Variants in PRKAB1 observed in about 807,000 individuals in gnomAD.
The protein encoded by PRKAB1 is 5'-AMP-activated protein kinase subunit beta-1.
PRKAB1 carries 18 observed loss-of-function variants against 32.0 expected under a neutral mutation model. The ratio of observed to expected loss-of-function variants is 0.56; its 90% confidence interval spans 0.39 to 0.83. The LOEUF is 0.83. Ranked by LOEUF, PRKAB1 falls within the 40% of genes least tolerant of loss-of-function variation. The pLI is 0.00. For synonymous variants in PRKAB1, 141 were observed against 141.4 expected, an observed-to-expected ratio of 1.00 and a Z score of 0.02; for missense variants, 263 against 352.6, an observed-to-expected ratio of 0.75 and a Z score of 2.03.
In PRKAB1 at chr12:119,674,253, G is replaced by C; in HGVS notation, c.418-87G>C. On this transcript the variant is annotated intron_variant, in intron 3 of 6. Transcript: ENST00000229328. The surrounding 1 kb of genome is among the most constrained non-coding windows in gnomAD (Gnocchi z 4.3). ...GCAGGGTGGCTAGCCAGGAGATGAG[G>C]CCTTCCAGCCAGGAATTCCAAGTCC... 1 of 1,175,388 alleles carries C rather than the reference G, an allele frequency of 8.5e-7. No individual in the cohort carries two copies. Among genetic ancestry groups the C allele is most frequent in the Non-Finnish European group, 1.2e-6 (1 of 806,202 alleles). The allele number at this position is 1,175,388 out of a possible 1,614,324, so 72.8% of individuals were successfully genotyped here. A position where few individuals can be genotyped will look rare whatever the true frequency, so the allele number is the denominator to read the frequency against.
intron 1 of PRKAB1, chr12:119,669,307 GC>G (rs1229933588): frequency 7.5e-6 from 1 of 134,202 alleles, no homozygotes; most frequent in Non-Finnish European, 1.6e-5. Context: ...TCGCTCTGTC[GC>G]CCAGGCTGGA....
chr12:119,674,431 C>T lies in PRKAB1; in HGVS notation c.509C>T (p.Ser170Phe), dbSNP rs867491740. Residue 170 changes from serine to phenylalanine, a missense_variant, in exon 4 of 7, where the codon TCC becomes TTC. By Grantham distance (155) the Ser-to-Phe change is radical (BLOSUM62 -2). Coordinates refer to ENST00000229328, the MANE Select transcript of PRKAB1 (RefSeq NM_006253.5). This position sits in a 1 kb window ranked among gnomAD's most constrained non-coding sequence, Gnocchi z 4.3. ...FEVFDALMVD[S>F]QKCSDVSELS... ...GTATTTGATGCTTTAATGGTGGATT[C>T]CCAAAAGTGCTCCGATGTGTCTGGT... The T allele has an allele frequency of 1.2e-6, 2 of 1,613,326 alleles. No homozygotes were observed. Among genetic ancestry groups the T allele is most frequent in the South Asian group, 2.2e-5 (2 of 91,064 alleles).
intron 1 of PRKAB1, among the ~76,000 whole-genome samples, chr12:119,671,903 C>CT (rs1472925266): frequency 3.3e-5 from 5 of 152,172 alleles, no homozygotes; most frequent in African/African-American, 1.2e-4. Context: ...CCGTCGTTGA[C>CT]TAAGACATCA....
Position 119,668,356 on chromosome 12 carries a change from A to G in PRKAB1, c.112A>G (p.Met38Val), listed in dbSNP as rs757824708. 6.2e-7 allele frequency: 1 copy of G among 1,613,464 alleles called. No homozygotes were observed. The highest frequency in any genetic ancestry group is 1.1e-5 in the South Asian group (1 of 90,908). ...GGACGGGGACAGGCCCAAGATCCTGATGGACAGCCCCGAAGACGCCGACCT... is the reference window on the plus strand; with the variant it reads ...GGACGGGGACAGGCCCAAGATCCTGGTGGACAGCCCCGAAGACGCCGACCT... ...TKDGDRPKIL[M>V]DSPEDADLFH... The change falls in exon 1 of 7, where the codon ATG (methionine) becomes GTG (valine). Residue 38 changes from methionine (M) to valine (V), a missense_variant. Met to Val is a conservative substitution (Grantham distance 21). Coordinates refer to ENST00000229328, the MANE Select transcript of PRKAB1 (RefSeq NM_006253.5).
intron 5 of PRKAB1, chr12:119,677,767 T>TG (rs1481932393): frequency 6.9e-6 from 1 of 144,196 alleles, no homozygotes; most frequent in Non-Finnish European, 1.5e-5. Flanking sequence ...GTTTGTTTTT[T>TG]TTTTTTTTTT....
chr12:119,674,514 T>G lies in PRKAB1; in HGVS notation c.532+60T>G. 8.0e-7 allele frequency: 1 copy of G among 1,253,376 alleles called. No individual in the cohort carries two copies. The highest frequency in any genetic ancestry group is 1.1e-6 in the Non-Finnish European group (1 of 879,358). The allele number at this position is 1,253,376 out of a possible 1,614,324, so 77.6% of individuals were successfully genotyped here. On this transcript the variant is annotated intron_variant, in intron 4 of 6. Coordinates refer to ENST00000229328, the MANE Select transcript of PRKAB1 (RefSeq NM_006253.5). This position sits in a 1 kb window ranked among gnomAD's most constrained non-coding sequence, Gnocchi z 4.3. Reference sequence around the variant, plus strand: ...AGGTGGGGGCTGTACAGTCTAGACATACTCTTGTTTCTCTTGCCTCTCTTG... The same window carrying G: ...AGGTGGGGGCTGTACAGTCTAGACAGACTCTTGTTTCTCTTGCCTCTCTTG...
In PRKAB1 at chr12:119,668,197, T is replaced by C. The variant is rs1413422537; in HGVS notation, c.-48T>C. 6.6e-7 allele frequency: 1 copy of C among 1,514,316 alleles called. No individual in the cohort carries two copies. The highest frequency in any genetic ancestry group is 2.5e-5 in the Admixed American group (1 of 39,946). 93.8% of individuals were successfully genotyped at this position (1,514,316 alleles called of 1,614,324 possible). A position where few individuals can be genotyped will look rare whatever the true frequency, so the allele number is the denominator to read the frequency against. ...AGTCCCTTGCTCAGGGTCCCTTTCC[T>C]GCAGTGAGGCGCCGTCCGCCTTCCC... On this transcript the variant is annotated 5_prime_UTR_variant, in exon 1 of 7. Coordinates refer to ENST00000229328, the MANE Select transcript of PRKAB1 (RefSeq NM_006253.5).
Position 119,668,376 on chromosome 12 carries a change from C to T in PRKAB1, c.132C>T (p.Ala44=). The change falls in exon 1 of 7, where the codon GCC becomes GCT. Residue 44 remains alanine (A), a synonymous_variant. Transcript: ENST00000229328. ...PKILMDSPED[A]DLFHSEEIKA... is the part of the protein sequence containing the mutation. ...TCCTGATGGACAGCCCCGAAGACGC[C>T]GACCTCTTCCACTCCGAGGAAATCA... The T allele has an allele frequency of 1.2e-6, 2 of 1,613,554 alleles. No individual in the cohort carries two copies. Among genetic ancestry groups the T allele is most frequent in the Non-Finnish European group, 1.7e-6 (2 of 1,179,732 alleles).
chr12:119,677,038 T>C (rs1424670557), intron 5 of PRKAB1, among the ~76,000 whole-genome samples: 3 of 152,238 alleles, frequency 2.0e-5, no homozygotes, highest in Admixed American at 6.5e-5. Flanking sequence ...TTTAGAAATA[T>C]CAGTACTCCT....
chr12:119,671,544 A>G (rs1459744532), intron 1 of PRKAB1: 2 of 393,384 alleles, frequency 5.1e-6, no homozygotes, highest in South Asian at 3.7e-5. Context: ...GATGCTTATA[A>G]AACCATCAGA....
At chr12:119,676,783 T>TA in intron 5 of PRKAB1, 113 bp downstream of exon 5, 1 of 1,354,236 alleles carries the variant, frequency 7.4e-7, no homozygotes, top group Non-Finnish European at 1.0e-6. Flanking sequence ...TGTCACCCCC[T>TA]AGTGTGAACT....
chr12:119,676,736 G>A, intron 5 of PRKAB1, 66 bp downstream of exon 5: 1 of 1,560,696 alleles, frequency 6.4e-7, no homozygotes, highest in Non-Finnish European at 8.8e-7. Context: ...TCTTTCCTGT[G>A]TCCACCTCTT....
At position 119,668,153 on chromosome 12, in the gene PRKAB1, T is replaced by G. The variant is rs1269013263; in HGVS notation, c.-92T>G. ...GCTCCGACTCCTTCCGCAGGCTCCT[T>G]GGGACCCGCGGTTCCGGGAGTCCCT... On this transcript the variant is annotated 5_prime_UTR_variant, in exon 1 of 7. Transcript: ENST00000229328. 1.5e-6 allele frequency: 2 copies of G among 1,364,540 alleles called. No homozygotes were observed. Among genetic ancestry groups the G allele is most frequent in the African/African-American group, 1.5e-5 (1 of 65,310 alleles). 84.5% of individuals were successfully genotyped at this position (1,364,540 alleles called of 1,614,324 possible). A position where few individuals can be genotyped will look rare whatever the true frequency, so the allele number is the denominator to read the frequency against.
chr12:119,669,261 GTTCAGCCTACTTTT>G (rs1955366580), intron 1 of PRKAB1, among the ~76,000 whole-genome samples: 1 of 133,536 alleles, frequency 7.5e-6, no homozygotes, highest in East Asian at 2.3e-4. Context: ...GTGCTGGCCG[GTTCAGCCTACTTTT>G]TTTTTTTTTT....
rs369903459 is a variant in PRKAB1, at chr12:119,676,682, G to T, written c.666+12G>T. ...ACACGGGGATTTCCGTAAGTATGTGGGCATCTGCCCGGACCATCCGCCGTG... is the reference window on the plus strand; with the variant it reads ...ACACGGGGATTTCCGTAAGTATGTGTGCATCTGCCCGGACCATCCGCCGTG... On this transcript the variant is annotated intron_variant, in intron 5 of 6. Transcript: ENST00000229328. 9.5e-5 allele frequency: 153 copies of T among 1,613,052 alleles called. No homozygotes were observed. The highest frequency in any genetic ancestry group is 2.5e-4 in the Admixed American group (15 of 59,936).
chr12:119,672,606 G>A (rs1593330352), intron 2 of PRKAB1, 142 bp downstream of exon 2: 1 of 902,250 alleles, frequency 1.1e-6, no homozygotes, highest in Non-Finnish European at 1.6e-6. Flanking sequence ...TAAGTCTTAA[G>A]GTTCAAATGT....
intron 1 of PRKAB1, among the ~76,000 whole-genome samples, chr12:119,671,848 CAAT>C (rs1341068332): frequency 2.0e-5 from 3 of 152,076 alleles, no homozygotes; most frequent in African/African-American, 4.8e-5. Context: ...GAAAAGATAA[CAAT>C]AAAAATATGG....
upstream of PRKAB1, chr12:119,667,983 G>A (rs572621920): frequency 8.5e-6 from 4 of 471,010 alleles, no homozygotes; most frequent in Admixed American, 4.5e-5. Context: ...GTGGTGAAGC[G>A]GTTGGGAAAG....
intron 5 of PRKAB1, chr12:119,678,726 T>C (rs1222423096): frequency 6.6e-6 from 1 of 152,270 alleles, no homozygotes; most frequent in Non-Finnish European, 1.5e-5. Context: ...CTGCATTGTG[T>C]ATCAGTACCT....
Sources: gnomAD v4.1 joint callset for allele counts (sites outside exome capture counted in the v4.1 genomes callset) on GRCh38, gnomAD v4.1.1 for gene constraint, Gnocchi (gnomAD v3.1) non-coding constraint, MANE v1.5 for transcripts, NCBI Gene and HGNC (gene_info 2026-07-23, HGNC 2026-07-21) for gene names.